The following RBFOX1 variants were observed in gnomAD, a reference collection of about 807,000 sequenced individuals.
The protein encoded by RBFOX1 is RNA binding fox-1 homolog 1, also known as RNA binding protein fox-1 homolog 1.
In RBFOX1, 8 loss-of-function variants were observed where a neutral mutation model predicts 57.7. The observed-to-expected ratio is 0.14, with a 90% CI of 0.08 to 0.25. The LOEUF is 0.25. RBFOX1 is among the 10% of genes least tolerant of loss of function. The probability of loss-of-function intolerance (pLI) is 1.00; values close to 1 mark genes in which losing one functional copy is unlikely to be tolerated. For synonymous variants in RBFOX1, 326 were observed against 222.4 expected (o/e 1.47, Z -4.15); for missense variants, 611 against 548.5 (o/e 1.11, Z -1.14).
At chr16:6,737,658 C>T (rs1004415326) in intron 3 of RBFOX1, among the ~76,000 whole-genome samples, 1 of 152,160 alleles carries the variant, frequency 6.6e-6, no homozygotes, top group Non-Finnish European at 1.5e-5. Flanking sequence ...GAGTGTTAAT[C>T]AGGTTCAATA....
intron 2 of RBFOX1, among the ~76,000 whole-genome samples, chr16:6,602,848 C>T (rs2097871291): frequency 6.6e-6 from 1 of 152,140 alleles, no homozygotes; most frequent in African/African-American, 2.4e-5. Flanking sequence ...CCACACACCC[C>T]CACCATCACA....
rs1014124641 is a variant in RBFOX1 at position 6,349,973 on chromosome 16, T to A, written c.-64+32916T>A. On this transcript the variant is annotated intron_variant, in intron 2 of 15. Coordinates refer to ENST00000550418, the MANE Select transcript of RBFOX1 (RefSeq NM_018723.4). ...GAGATTTCCATGGTGAATGTGCGTG[T>A]CTCTCCTTGGCAAAACATGTAGAAA... 8.5e-5 allele frequency among the ~76,000 whole-genome samples: 13 copies of A among 152,136 alleles called. No individual in the cohort carries two copies. The East Asian group carries it at 1.9e-3, about 23-fold the overall frequency.
At chr16:5,440,134 G>T (rs2068039727) in intron 1 of RBFOX1, among the ~76,000 whole-genome samples, 1 of 152,180 alleles carries the variant, frequency 6.6e-6, no homozygotes, top group South Asian at 2.1e-4. Context: ...GTGGGATAAT[G>T]TATAATAAGA....
At chr16:5,722,475 C>T (rs958917238) in intron 3 of RBFOX1, among the ~76,000 whole-genome samples, 2 of 152,176 alleles carry the variant, frequency 1.3e-5, no homozygotes, top group Admixed American at 1.3e-4. Context: ...TACAATTAGA[C>T]TCAGCGCGAT....
At chr16:7,706,008 C>A (rs1307438022) in intron 14 of RBFOX1, among the ~76,000 whole-genome samples, 1 of 152,140 alleles carries the variant, frequency 6.6e-6, no homozygotes, top group Non-Finnish European at 1.5e-5. Context: ...AGACCTCTTC[C>A]CATCATTCCT....
Position 6,716,028 on chromosome 16 carries a change from C to G in RBFOX1, c.-16+61378C>G, listed in dbSNP as rs537826980. On this transcript the variant is annotated intron_variant, in intron 3 of 15. Transcript: ENST00000550418. The stretch of plus-strand genomic sequence containing the variant: ...TAACTTCACAGCCTACATAAAGAAG[C>G]CACTTACGGTTTTGTGAGCTCACAC... 1.9e-4 allele frequency among the ~76,000 whole-genome samples: 29 copies of G among 151,898 alleles called. No homozygotes were observed. In the South Asian group the frequency reaches 4.2e-3, roughly 22 times the overall value.
chr16:6,908,648 A>G (rs764592286), intron 3 of RBFOX1, among the ~76,000 whole-genome samples: 1 of 152,142 alleles, frequency 6.6e-6, no homozygotes, highest in Non-Finnish European at 1.5e-5. Flanking sequence ...TATTTCTTCC[A>G]GAATATGGCC....
chr16:7,110,879 G>T (rs1476983607), intron 4 of RBFOX1, among the ~76,000 whole-genome samples: 1 of 152,028 alleles, frequency 6.6e-6, no homozygotes, highest in Non-Finnish European at 1.5e-5. Flanking sequence ...CCCATCCCAG[G>T]GTCAGCTGTG....
intron 4 of RBFOX1, among the ~76,000 whole-genome samples, chr16:5,879,814 C>G (rs999131169): frequency 6.6e-6 from 1 of 152,164 alleles, no homozygotes; most frequent in Non-Finnish European, 1.5e-5. Context: ...TCTCTTGTGG[C>G]TTCTCTGGGT....
In RBFOX1 at chr16:5,451,728, C is replaced by T. The variant is rs188992868; in HGVS notation, c.220-15488C>T. Among the ~76,000 whole-genome samples, 6 of 152,324 alleles carry T rather than the reference C, an allele frequency of 3.9e-5. No individual in the cohort carries two copies. In the East Asian group the frequency reaches 7.7e-4, roughly 20 times the overall value. ...GATAGGCAGTGTCTCTTATCCTGTCCGGGTTCCACATACGGATACCTCTCA... is the reference window on the plus strand; with the variant it reads ...GATAGGCAGTGTCTCTTATCCTGTCTGGGTTCCACATACGGATACCTCTCA... On this transcript the variant is annotated intron_variant, in intron 1 of 2. Transcript: ENST00000585867.
At chr16:6,450,777 A>ATACATATACATATATATAGG (rs1555480496) in intron 2 of RBFOX1, among the ~76,000 whole-genome samples, 1 of 39,526 alleles carries the variant, frequency 2.5e-5, no homozygotes, top group African/African-American at 1.3e-4. Context: ...GTATATATAT[A>ATACATATACATATATATAGG]TATATATATA....
chr16:7,649,401 T>TAATC (rs750458010), intron 11 of RBFOX1, among the ~76,000 whole-genome samples: 10 of 152,234 alleles, frequency 6.6e-5, no homozygotes, highest in Non-Finnish European at 1.5e-4. Flanking sequence ...TTAGTAAACA[T>TAATC]AATCAATCTG....
At chr16:7,130,876 A>G (rs2070141678) in intron 4 of RBFOX1, among the ~76,000 whole-genome samples, 1 of 152,162 alleles carries the variant, frequency 6.6e-6, no homozygotes. Flanking sequence ...GCCATCAAGA[A>G]GAGATGATGA....
At chr16:6,698,003 C>T (rs533518854) in intron 3 of RBFOX1, among the ~76,000 whole-genome samples, 1 of 152,318 alleles carries the variant, frequency 6.6e-6, no homozygotes, top group Non-Finnish European at 1.5e-5. Flanking sequence ...ACTGATCAAA[C>T]TTATTATCCT....
chr16:6,615,077 A>T (rs1365549476), intron 2 of RBFOX1, among the ~76,000 whole-genome samples: 1 of 152,194 alleles, frequency 6.6e-6, no homozygotes. Flanking sequence ...GGCCATGTGG[A>T]TGGTATCGTG....
chr16:6,448,334 A>G (rs2094529030), intron 2 of RBFOX1, among the ~76,000 whole-genome samples: 1 of 150,636 alleles, frequency 6.6e-6, no homozygotes. Context: ...TAATTTTTTT[A>G]TTTTAATAGA....
chr16:6,355,787 C>T (rs2087199594), intron 2 of RBFOX1, among the ~76,000 whole-genome samples: 1 of 152,180 alleles, frequency 6.6e-6, no homozygotes, highest in Non-Finnish European at 1.5e-5. Flanking sequence ...CACATCCTCT[C>T]CAGCTTCTTT....
intron 8 of RBFOX1, among the ~76,000 whole-genome samples, chr16:7,596,629 A>G (rs1288837079): frequency 2.6e-5 from 4 of 151,956 alleles, no homozygotes; most frequent in Non-Finnish European, 4.4e-5. Context: ...TGTCGTATTA[A>G]GTTTTCTTGA....
intron 4 of RBFOX1, among the ~76,000 whole-genome samples, chr16:7,224,046 T>C (rs747971874): frequency 6.8e-6 from 1 of 147,932 alleles, no homozygotes; most frequent in Non-Finnish European, 1.5e-5. Context: ...TTATGACCTT[T>C]GGGATGCATC....
Sources: allele counts gnomAD v4.1 joint callset (sites outside exome capture counted in the v4.1 genomes callset), GRCh38; gene constraint gnomAD v4.1.1; transcripts MANE v1.5; gene names NCBI Gene and HGNC (gene_info 2026-07-23, HGNC 2026-07-21).